CNTN1: variants seen among roughly 807,000 people sequenced by gnomAD.
CNTN1 encodes contactin-1.
In CNTN1, 38 loss-of-function variants were observed where a neutral mutation model predicts 126.4. That is an observed-to-expected ratio of 0.30 (90% CI 0.23 to 0.39). The LOEUF (loss-of-function observed/expected upper bound fraction) is 0.39, where lower values mean the gene tolerates loss of function less well. Ranked by LOEUF, CNTN1 falls within the 10% of genes least tolerant of loss-of-function variation. The pLI is 1.00. For missense variants in CNTN1, 1,009 were observed against 1,248.4 expected (o/e 0.81, Z 2.89); for synonymous variants, 413 against 422.6 (o/e 0.98, Z 0.28).
At chr12:40,906,734 G>T (rs1276060738) in intron 1 of CNTN1, among the ~76,000 whole-genome samples, 2 of 143,792 alleles carry the variant, frequency 1.4e-5, no homozygotes, top group African/African-American at 5.3e-5. Flanking sequence ...GGAGTGCAGT[G>T]GTGTGAAGAT....
At chr12:40,737,384 A>ATATAT (rs1937743128) in intron 1 of CNTN1, among the ~76,000 whole-genome samples, 1 of 35,764 alleles carries the variant, frequency 2.8e-5, no homozygotes, top group South Asian at 1.2e-3. Flanking sequence ...TATATATATG[A>ATATAT]GTTTATTAAG....
chr12:40,948,456 T>C (rs1352297105), intron 14 of CNTN1, among the ~76,000 whole-genome samples: 2 of 152,020 alleles, frequency 1.3e-5, no homozygotes, highest in East Asian at 1.9e-4. Flanking sequence ...TTGGGTTAAA[T>C]GTTTTTCACA....
At chr12:41,023,383 A>AT (rs1425347011) in intron 20 of CNTN1, among the ~76,000 whole-genome samples, 3 of 152,114 alleles carry the variant, frequency 2.0e-5, no homozygotes, top group South Asian at 2.1e-4. Flanking sequence ...GTCACTTAGT[A>AT]TTTTTTTATC....
chr12:40,758,874 G>A (rs1375105262), intron 1 of CNTN1, among the ~76,000 whole-genome samples: 5 of 136,134 alleles, frequency 3.7e-5, no homozygotes, highest in African/African-American at 1.4e-4. Context: ...ATAGAGAGAG[G>A]ATTCAGGTTT....
At chr12:40,872,011 A>C (rs1414047685) in intron 1 of CNTN1, among the ~76,000 whole-genome samples, 1 of 152,160 alleles carries the variant, frequency 6.6e-6, no homozygotes, top group African/African-American at 2.4e-5. Flanking sequence ...AGAGGAAATG[A>C]TAAAAAACTA....
intron 1 of CNTN1, among the ~76,000 whole-genome samples, chr12:40,696,622 C>T: frequency 6.6e-6 from 1 of 152,190 alleles, no homozygotes; most frequent in Admixed American, 6.5e-5. Context: ...AGGTTCAACT[C>T]CTGACAACAG....
chr12:41,040,592 A>G (rs1178860231), intron 23 of CNTN1, among the ~76,000 whole-genome samples: 1 of 151,996 alleles, frequency 6.6e-6, no homozygotes, highest in African/African-American at 2.4e-5. Context: ...TATTTCATTG[A>G]GCAGTGGTTT....
At chr12:40,781,300 C>T (rs1442104770) in intron 1 of CNTN1, among the ~76,000 whole-genome samples, 2 of 151,964 alleles carry the variant, frequency 1.3e-5, no homozygotes, top group Non-Finnish European at 2.9e-5. Flanking sequence ...TTTATATAAG[C>T]CACCAGAAGA....
At chr12:40,914,418 G>A (rs987922781) in intron 3 of CNTN1, among the ~76,000 whole-genome samples, 4 of 152,100 alleles carry the variant, frequency 2.6e-5, no homozygotes, top group African/African-American at 9.7e-5. Flanking sequence ...TGCTTGTTTT[G>A]AGTAATGTTT....
chr12:40,782,018 C>A (rs1031863240), intron 1 of CNTN1, among the ~76,000 whole-genome samples: 4 of 151,846 alleles, frequency 2.6e-5, no homozygotes, highest in Non-Finnish European at 5.9e-5. Flanking sequence ...AGAATACCAT[C>A]TGAATATAAT....
chr12:40,936,118 T>C lies in CNTN1; in HGVS notation c.986-663T>C, dbSNP rs576131457. On this transcript the variant is annotated intron_variant, in intron 9 of 23. Coordinates refer to ENST00000551295, the MANE Select transcript of CNTN1 (RefSeq NM_001843.4). ...GCTTGTTCTCTAAAAATATTTTTTC[T>C]TTGGAAAATTTTTAGCATTTTCTCA... Among the ~76,000 whole-genome samples, 4 of 152,258 alleles carry C rather than the reference T, an allele frequency of 2.6e-5. No individual in the cohort carries two copies. The South Asian group carries it at 8.3e-4, about 32-fold the overall frequency.
At chr12:40,945,864 A>G (rs1413177567) in intron 14 of CNTN1, among the ~76,000 whole-genome samples, 1 of 152,120 alleles carries the variant, frequency 6.6e-6, no homozygotes, top group Non-Finnish European at 1.5e-5. Flanking sequence ...AGAGATTCAC[A>G]TAGTTACCCC....
chr12:40,758,776 A>T (rs1290802563), intron 1 of CNTN1, among the ~76,000 whole-genome samples: 1 of 152,174 alleles, frequency 6.6e-6, no homozygotes, highest in East Asian at 1.9e-4. Context: ...TCAAAAAACA[A>T]ATCTGAAGGA....
At chr12:41,023,908 A>G (rs979909779) in intron 20 of CNTN1, among the ~76,000 whole-genome samples, 2 of 152,174 alleles carry the variant, frequency 1.3e-5, no homozygotes, top group Non-Finnish European at 2.9e-5. Context: ...AGCAGGTATG[A>G]GGAAAAGGCA....
chr12:40,923,914 A>G (rs1945539558), intron 5 of CNTN1, among the ~76,000 whole-genome samples: 1 of 152,198 alleles, frequency 6.6e-6, no homozygotes, highest in African/African-American at 2.4e-5. Flanking sequence ...ACAGGAAGAG[A>G]GGCAGAAAAA....
At chr12:40,959,935 T>C (rs746466169) in intron 15 of CNTN1, among the ~76,000 whole-genome samples, 20 of 152,068 alleles carry the variant, frequency 1.3e-4, no homozygotes, top group Non-Finnish European at 2.1e-4. Context: ...TCTCACTTCA[T>C]GTAACCAACT....
intron 14 of CNTN1, among the ~76,000 whole-genome samples, chr12:40,951,737 A>G (rs1362148252): frequency 6.6e-6 from 1 of 150,456 alleles, no homozygotes; most frequent in African/African-American, 2.4e-5. Context: ...AAAAAAAAAA[A>G]AAAAAGAAGA....
At chr12:40,897,001 CAG>C (rs1944435314) in intron 1 of CNTN1, among the ~76,000 whole-genome samples, 1 of 152,210 alleles carries the variant, frequency 6.6e-6, no homozygotes, top group Non-Finnish European at 1.5e-5. Flanking sequence ...GCTTTTAAAA[CAG>C]AGCCTGACTT....
intron 1 of CNTN1, among the ~76,000 whole-genome samples, chr12:40,816,965 G>C (rs985214718): frequency 1.3e-5 from 2 of 152,154 alleles, no homozygotes; most frequent in African/African-American, 4.8e-5. Context: ...TTTTGTGTGA[G>C]TTTCTTAATC....
Sources: gnomAD v4.1 joint callset for allele counts (sites outside exome capture counted in the v4.1 genomes callset) on GRCh38, gnomAD v4.1.1 for gene constraint, MANE v1.5 for transcripts, NCBI Gene and HGNC (gene_info 2026-07-23, HGNC 2026-07-21) for gene names.